Variants in NCK1 observed in about 807,000 individuals in gnomAD.
NCK1 encodes the protein NCK adaptor protein 1, also known as SH2/SH3 adapter protein NCK1.
In NCK1, 19 loss-of-function variants were observed where a neutral mutation model predicts 36.6. That is an observed-to-expected ratio of 0.52 (90% CI 0.36 to 0.76). The LOEUF (loss-of-function observed/expected upper bound fraction) is 0.76. NCK1 is among the 30% of genes least tolerant of loss of function. NCK1 has a pLI of 0.00. For missense variants in NCK1, 358 were observed against 445.6 expected (o/e 0.80, Z 1.77); for synonymous variants, 165 against 156.0 (o/e 1.06, Z -0.43).
In NCK1 at chr3:136,937,418, C is replaced by T. The variant is rs181565734; in HGVS notation, c.227-8165C>T. On this transcript the variant is annotated intron_variant, in intron 2 of 3. Transcript: ENST00000481752. ...GGGAGAGTCCTCCCACTTGATTTTC[C>T]TTTTTCAAGATTGTTTTGGTTGCTT... Among the ~76,000 whole-genome samples the T allele has an allele frequency of 8.8e-3, 1,343 of 152,180 alleles. 9 individuals carry two copies. The highest frequency in any genetic ancestry group is 0.015 in the Admixed American group (222 of 15,296).
At chr3:136,870,417 A>C (rs1938579473) in intron 1 of NCK1, among the ~76,000 whole-genome samples, 1 of 142,292 alleles carries the variant, frequency 7.0e-6, no homozygotes, top group Admixed American at 7.0e-5. Flanking sequence ...AGATCAATTC[A>C]AATAATAGAT....
chr3:136,882,230 A>G (rs1482275926), intron 1 of NCK1, among the ~76,000 whole-genome samples: 1 of 152,142 alleles, frequency 6.6e-6, no homozygotes, highest in Non-Finnish European at 1.5e-5. Context: ...CTTAATGGTG[A>G]TATCTCTGTG....
chr3:136,923,387 C>T (rs995309827), intron 1 of NCK1, among the ~76,000 whole-genome samples: 1 of 151,954 alleles, frequency 6.6e-6, no homozygotes, highest in Non-Finnish European at 1.5e-5. Context: ...AACCCCGTCT[C>T]CACTAAAAAT....
intron 2 of NCK1, among the ~76,000 whole-genome samples, chr3:136,935,529 T>C (rs1940508157): frequency 6.6e-6 from 1 of 152,146 alleles, no homozygotes; most frequent in African/African-American, 2.4e-5. Flanking sequence ...GACTGGTTGA[T>C]ATGGATGATG....
At chr3:136,944,962 C>T (rs1455522255) in intron 2 of NCK1, among the ~76,000 whole-genome samples, 1 of 152,088 alleles carries the variant, frequency 6.6e-6, no homozygotes, top group Non-Finnish European at 1.5e-5. Context: ...TGTAAACAAA[C>T]AAAACTCCCT....
In NCK1 at chr3:136,949,102, A is replaced by T. The variant is rs1348876983; in HGVS notation, c.*649A>T. The T allele has an allele frequency of 6.6e-6, 1 of 152,412 alleles. No individual in the cohort carries two copies. The highest frequency in any genetic ancestry group is 1.9e-4 in the East Asian group (1 of 5,200). 9.4% of individuals were successfully genotyped at this position (152,412 alleles called of 1,614,324 possible). On this transcript the variant is annotated 3_prime_UTR_variant, in exon 4 of 4. Coordinates refer to ENST00000481752, the MANE Select transcript of NCK1 (RefSeq NM_001291999.2). The stretch of plus-strand genomic sequence containing the variant: ...CAATTTTAATTTACAACTGTTGGAA[A>T]TAAAAATCACTTAATTTTTTTCCAG...
chr3:136,899,664 T>C, intron 1 of NCK1: 2 of 733,966 alleles, frequency 2.7e-6, no homozygotes, highest in Non-Finnish European at 2.5e-6. Flanking sequence ...AGTAATCTTA[T>C]CCAAATCTAA....
chr3:136,919,822 A>C (rs1422938834), intron 1 of NCK1, among the ~76,000 whole-genome samples: 2 of 152,178 alleles, frequency 1.3e-5, no homozygotes, highest in East Asian at 3.8e-4. Flanking sequence ...AGGAAAATGT[A>C]AGGAACCAGC....
At position 136,923,640 on chromosome 3, in the gene NCK1, G is replaced by C. The variant is rs560242994; in HGVS notation, c.-18-4344G>C. Among the ~76,000 whole-genome samples, 3 of 152,006 alleles carry C rather than the reference G, an allele frequency of 2.0e-5. No individual in the cohort carries two copies. The South Asian group carries it at 6.2e-4, about 32-fold the overall frequency. On this transcript the variant is annotated intron_variant, in intron 1 of 3. Transcript: ENST00000481752. ...TGGGAGAGGGGAGAGAAAAGAGAAG[G>C]TATGGAAGAAGACCTCTCTAAATGT...
At chr3:136,907,533 C>T (rs1236108442) in intron 1 of NCK1, among the ~76,000 whole-genome samples, 1 of 152,210 alleles carries the variant, frequency 6.6e-6, no homozygotes, top group Non-Finnish European at 1.5e-5. Flanking sequence ...TCTGGTGGGA[C>T]TGTGGACCAG....
At chr3:136,880,648 A>G (rs1429838559) in intron 1 of NCK1, among the ~76,000 whole-genome samples, 1 of 152,074 alleles carries the variant, frequency 6.6e-6, no homozygotes, top group African/African-American at 2.4e-5. Flanking sequence ...TGTTTTTTTG[A>G]GGCAGGTTCT....
intron 2 of NCK1, among the ~76,000 whole-genome samples, chr3:136,929,801 T>A (rs1965107): frequency 0.76 from 115,868 of 152,064 alleles, 44,470 homozygotes; most frequent in East Asian, 0.92. Context: ...GAAAAAACTA[T>A]TATCATAGAG....
intron 1 of NCK1, among the ~76,000 whole-genome samples, chr3:136,912,221 G>A (rs895170224): frequency 1.4e-5 from 2 of 143,432 alleles, no homozygotes; most frequent in Non-Finnish European, 3.0e-5. Context: ...GGAGTGCAGT[G>A]GTGTGATCTT....
intron 1 of NCK1, among the ~76,000 whole-genome samples, chr3:136,883,338 G>A (rs1283565307): frequency 2.0e-5 from 3 of 152,118 alleles, no homozygotes; most frequent in African/African-American, 7.2e-5. Context: ...TCTGTAACGT[G>A]AGACTTTTTT....
rs552494164 is a variant in NCK1, at chr3:136,881,327, C to G, written c.-19+18974C>G. On this transcript the variant is annotated intron_variant, in intron 1 of 3. Coordinates refer to ENST00000481752, the MANE Select transcript of NCK1 (RefSeq NM_001291999.2). Reference sequence around the variant, plus strand: ...CTCTGCCTCCTGGGTTCAAGCAGTTCTTCTTCCTCAGCCTCCTTAGTAGCT... The same window carrying G: ...CTCTGCCTCCTGGGTTCAAGCAGTTGTTCTTCCTCAGCCTCCTTAGTAGCT... Among the ~76,000 whole-genome samples, 4 of 152,252 alleles carry G rather than the reference C, an allele frequency of 2.6e-5. No individual in the cohort carries two copies. The East Asian group carries it at 7.7e-4, about 29-fold the overall frequency.
At position 136,948,328 on chromosome 3, in the gene NCK1, A is replaced by T. The variant is rs757304667; in HGVS notation, c.1009A>T (p.Thr337Ser). The change falls in exon 4 of 4, where the codon ACT becomes TCT. Residue 337 changes from threonine (T) to serine (S), a missense_variant. By Grantham distance (58) the Thr-to-Ser change is moderately conservative. Around this residue, in one of 3 missense-constraint regions of NCK1, gnomAD observed 207 missense variants for 253.4 expected, o/e 0.82. Coordinates refer to ENST00000481752, the MANE Select transcript of NCK1 (RefSeq NM_001291999.2). Reference protein sequence around the residue: ...NKHFKVQLKETVYCIGQRKFS... With the variant: ...NKHFKVQLKESVYCIGQRKFS... ...GCATTTTAAAGTCCAACTAAAAGAG[A>T]CTGTCTACTGCATTGGGCAGCGTAA... 3.1e-6 allele frequency: 5 copies of T among 1,612,444 alleles called. No individual in the cohort carries two copies. Among genetic ancestry groups the T allele is most frequent in the Non-Finnish European group, 3.4e-6 (4 of 1,179,018 alleles).
Position 136,900,010 on chromosome 3 carries a change from C to G in NCK1, c.-18-27974C>G, listed in dbSNP as rs1217114830. 2.3e-5 allele frequency: 15 copies of G among 656,044 alleles called. No individual in the cohort carries two copies. In the East Asian group the frequency reaches 4.1e-4, roughly 18 times the overall value. 40.6% of individuals were successfully genotyped at this position (656,044 alleles called of 1,614,324 possible). A position where few individuals can be genotyped will look rare whatever the true frequency, so the allele number is the denominator to read the frequency against. On this transcript the variant is annotated intron_variant, in intron 1 of 3. Coordinates refer to ENST00000481752, the MANE Select transcript of NCK1 (RefSeq NM_001291999.2). ...GGTACAGTTGCAGAAACAAAATCAT[C>G]ATCACTGTCAGAGTCGCCAAACTGT...
At chr3:136,912,337 G>A (rs774825920) in intron 1 of NCK1, among the ~76,000 whole-genome samples, 1 of 151,408 alleles carries the variant, frequency 6.6e-6, no homozygotes, top group Non-Finnish European at 1.5e-5. Context: ...TGATTTTTGT[G>A]TTTTTAGTAG....
chr3:136,893,191 T>TACACACACACACACACAC (rs1204636247), intron 1 of NCK1, among the ~76,000 whole-genome samples: 4 of 38,834 alleles, frequency 1.0e-4, no homozygotes, highest in Non-Finnish European at 1.6e-4. Flanking sequence ...TATATATATA[T>TACACACACACACACACAC]ACACACATGT....
Sources: gnomAD v4.1 joint callset for allele counts (sites outside exome capture counted in the v4.1 genomes callset) on GRCh38, gnomAD v4.1.1 for gene constraint, gnomAD v4.1.1 regional missense constraint, MANE v1.5 for transcripts, NCBI Gene and HGNC (gene_info 2026-07-23, HGNC 2026-07-21) for gene names.